The following SPON1 variants were observed in gnomAD, a reference collection of about 807,000 sequenced individuals.
SPON1 encodes spondin 1.
A neutral mutation model predicts 111.7 loss-of-function variants in SPON1; 52 were observed. The ratio of observed to expected loss-of-function variants is 0.47; its 90% CI spans 0.37 to 0.59. SPON1 has a LOEUF of 0.59. Among genes scored for constraint, SPON1 ranks in the 20% least tolerant of loss-of-function variants. SPON1 has a pLI of 0.00. For synonymous variants in SPON1, 410 were observed against 395.8 expected (o/e 1.04, Z -0.43); for missense variants, 957 against 1,068.5 (o/e 0.90, Z 1.46).
chr11:14,015,076 CT>C (rs1357783640), intron 2 of SPON1, among the ~76,000 whole-genome samples: 1 of 152,208 alleles, frequency 6.6e-6, no homozygotes, highest in African/African-American at 2.4e-5. Context: ...TACTTAACCT[CT>C]CCCCATTGAG....
chr11:14,211,087 C>T (rs1446331272), intron 6 of SPON1, among the ~76,000 whole-genome samples: 1 of 152,128 alleles, frequency 6.6e-6, no homozygotes, highest in Non-Finnish European at 1.5e-5. Context: ...GCTATACGGG[C>T]TCTTTTTAGG....
chr11:13,962,826 C>A lies in SPON1; in HGVS notation c.-79C>A. ...TCTCCGCCGCGCCTCCGCCAGGTCGCGCCTTCGTCGGGACCACTTCGGGCA... is the reference window on the plus strand; with the variant it reads ...TCTCCGCCGCGCCTCCGCCAGGTCGAGCCTTCGTCGGGACCACTTCGGGCA... On this transcript the variant is annotated 5_prime_UTR_variant, in exon 1 of 16. Transcript: ENST00000576479. 5.4e-6 allele frequency: 7 copies of A among 1,306,306 alleles called. No homozygotes were observed. Among genetic ancestry groups the A allele is most frequent in the Non-Finnish European group, 7.0e-6 (7 of 1,004,290 alleles). The allele number at this position is 1,306,306 out of a possible 1,614,324, so 80.9% of individuals were successfully genotyped here. A position where few individuals can be genotyped will look rare whatever the true frequency, so the allele number is the denominator to read the frequency against.
chr11:14,229,787 C>T (rs781905844), intron 6 of SPON1, among the ~76,000 whole-genome samples: 4 of 152,138 alleles, frequency 2.6e-5, no homozygotes, highest in Non-Finnish European at 5.9e-5. Context: ...AAGAGCTGAA[C>T]CCTCGGTCTG....
At chr11:14,080,414 A>C (rs992952039) in intron 5 of SPON1, among the ~76,000 whole-genome samples, 9 of 151,890 alleles carry the variant, frequency 5.9e-5, no homozygotes, top group Non-Finnish European at 8.8e-5. Context: ...TTTTTAGTAG[A>C]GATGGGGTTT....
chr11:14,197,215 T>C (rs1408084252), intron 6 of SPON1, among the ~76,000 whole-genome samples: 3 of 152,172 alleles, frequency 2.0e-5, no homozygotes, highest in Non-Finnish European at 2.9e-5. Context: ...TAGCATTATT[T>C]TCTAATATTG....
At chr11:14,251,364 C>T (rs1303861087) in intron 7 of SPON1, among the ~76,000 whole-genome samples, 3 of 152,178 alleles carry the variant, frequency 2.0e-5, no homozygotes, top group Admixed American at 6.5e-5. Context: ...GAGGGTATCT[C>T]GCTTCAGCTA....
At chr11:14,129,809 C>G (rs1266742835) in intron 5 of SPON1, among the ~76,000 whole-genome samples, 1 of 152,038 alleles carries the variant, frequency 6.6e-6, no homozygotes, top group Non-Finnish European at 1.5e-5. Flanking sequence ...GCTGGGGAGG[C>G]CTCAGGAAAC....
intron 6 of SPON1, among the ~76,000 whole-genome samples, chr11:14,151,630 A>T (rs1554929930): frequency 6.6e-6 from 1 of 152,206 alleles, no homozygotes; most frequent in Non-Finnish European, 1.5e-5. Context: ...ACCTCCATGC[A>T]ACAGCTTAAA....
chr11:14,101,233 C>G (rs1381106259), intron 5 of SPON1, among the ~76,000 whole-genome samples: 1 of 151,972 alleles, frequency 6.6e-6, no homozygotes, highest in Non-Finnish European at 1.5e-5. Flanking sequence ...AACCCCATCT[C>G]TACTAAAAAT....
intron 6 of SPON1, among the ~76,000 whole-genome samples, chr11:14,139,418 A>G (rs537860212): frequency 6.6e-6 from 1 of 152,270 alleles, no homozygotes; most frequent in Non-Finnish European, 1.5e-5. Flanking sequence ...TCACACTTAC[A>G]TATTTCTTTG....
chr11:13,966,317 T>A (rs782746368), intron 1 of SPON1, among the ~76,000 whole-genome samples: 16 of 152,152 alleles, frequency 1.1e-4, no homozygotes, highest in Non-Finnish European at 2.1e-4. Context: ...AATAACAAGT[T>A]GAGGATCCTC....
chr11:14,177,131 C>T (rs1315481536), intron 6 of SPON1, among the ~76,000 whole-genome samples: 1 of 152,174 alleles, frequency 6.6e-6, no homozygotes, highest in Non-Finnish European at 1.5e-5. Context: ...AGCTCCGCTT[C>T]CCAGGTTCAC....
At chr11:14,165,509 C>G (rs1554931808) in intron 6 of SPON1, among the ~76,000 whole-genome samples, 1 of 152,118 alleles carries the variant, frequency 6.6e-6, no homozygotes, top group Admixed American at 6.6e-5. Context: ...GTACTCTCAT[C>G]TATAGTTTTA....
intron 5 of SPON1, among the ~76,000 whole-genome samples, chr11:14,126,764 C>A (rs1409253271): frequency 1.3e-5 from 2 of 152,166 alleles, no homozygotes; most frequent in African/African-American, 4.8e-5. Context: ...CCTTTAAGGC[C>A]ACAAGCTTTA....
intron 2 of SPON1, among the ~76,000 whole-genome samples, chr11:14,018,204 C>T (rs1056050562): frequency 2.6e-5 from 4 of 152,126 alleles, no homozygotes; most frequent in Non-Finnish European, 4.4e-5. Flanking sequence ...AGTAGCTAGA[C>T]GGCCTTTGTT....
chr11:14,130,585 A>C (rs1554927438), intron 5 of SPON1, among the ~76,000 whole-genome samples: 2 of 151,492 alleles, frequency 1.3e-5, no homozygotes, highest in Non-Finnish European at 2.9e-5. Context: ...CTCTGAAAGG[A>C]CTCAACAGAG....
intron 6 of SPON1, among the ~76,000 whole-genome samples, chr11:14,171,970 T>G (rs1219194560): frequency 1.3e-5 from 2 of 152,202 alleles, no homozygotes; most frequent in Non-Finnish European, 2.9e-5. Context: ...TATATCCTGT[T>G]GATTTGGGGT....
rs370984246 is a variant in SPON1, at chr11:14,089,732, C to T, written c.676+9711C>T. Among the ~76,000 whole-genome samples the T allele has an allele frequency of 9.1e-4, 139 of 152,292 alleles. 1 individual carries two copies. The highest frequency in any genetic ancestry group is 6.4e-3 in the East Asian group (33 of 5,174). On this transcript the variant is annotated intron_variant, in intron 5 of 15. Coordinates refer to ENST00000576479, the MANE Select transcript of SPON1 (RefSeq NM_006108.4). Reference sequence around the variant, plus strand: ...GCTGGCAGGCAGGAATGTTTAAATCCGCTGAAGCTGGGCCCACAGCCACCC... The same window carrying T: ...GCTGGCAGGCAGGAATGTTTAAATCTGCTGAAGCTGGGCCCACAGCCACCC...
intron 6 of SPON1, among the ~76,000 whole-genome samples, chr11:14,238,116 G>T (rs921512329): frequency 1.3e-5 from 2 of 152,206 alleles, no homozygotes; most frequent in East Asian, 3.9e-4. Flanking sequence ...TAGGCAATTT[G>T]CAAGGTTAGC....
Sources: gnomAD v4.1 joint callset for allele counts (sites outside exome capture counted in the v4.1 genomes callset) on GRCh38, gnomAD v4.1.1 for gene constraint, MANE v1.5 for transcripts, NCBI Gene and HGNC (gene_info 2026-07-23, HGNC 2026-07-21) for gene names.